FOXP1: variants seen among roughly 807,000 people sequenced by gnomAD.
FOXP1 encodes the protein forkhead box protein P1.
FOXP1 carries 15 observed loss-of-function variants against 98.2 expected under a neutral mutation model. The ratio of observed to expected loss-of-function variants is 0.15; its 90% CI spans 0.10 to 0.24. The LOEUF is 0.24. FOXP1 is among the 10% of genes least tolerant of loss of function. FOXP1 has a pLI of 1.00. For missense variants in FOXP1, 633 were observed against 848.5 expected, an observed-to-expected ratio of 0.75 and a Z score of 3.15; for synonymous variants, 371 against 314.5, an observed-to-expected ratio of 1.18 and a Z score of -1.90.
At chr3:71,542,308 G>C (rs897317476) in intron 2 of FOXP1, among the ~76,000 whole-genome samples, 1 of 151,962 alleles carries the variant, frequency 6.6e-6, no homozygotes, top group Non-Finnish European at 1.5e-5. Flanking sequence ...CATTTTTGTT[G>C]TTGTTTGCAC....
chr3:71,479,050 G>A (rs1008509057), intron 3 of FOXP1, among the ~76,000 whole-genome samples: 14 of 152,180 alleles, frequency 9.2e-5, no homozygotes, highest in Non-Finnish European at 1.9e-4. Flanking sequence ...AGCTTGAATA[G>A]TTTCAATGGA....
chr3:71,512,363 G>A (rs1204255837), intron 2 of FOXP1, among the ~76,000 whole-genome samples: 2 of 152,070 alleles, frequency 1.3e-5, no homozygotes, highest in African/African-American at 2.4e-5. Context: ...CTGTAAGCAA[G>A]GTAAAAAGCC....
rs2061749864 is a variant in FOXP1, at chr3:71,173,387, AC to A, written c.180+24814del. Among the ~76,000 whole-genome samples the A allele has an allele frequency of 2.8e-5, 3 of 106,782 alleles. No homozygotes were observed. The East Asian group carries it at 7.3e-4, about 26-fold the overall frequency. 70.1% of individuals were successfully genotyped at this position (106,782 alleles called of 152,430 possible). A position where few individuals can be genotyped will look rare whatever the true frequency, so the allele number is the denominator to read the frequency against. On this transcript the variant is annotated intron_variant, in intron 6 of 20. Coordinates refer to ENST00000649528, the MANE Select transcript of FOXP1 (RefSeq NM_001349338.3). Reference sequence around the variant, plus strand: ...TTTAGAAAAAAAAGAAAAAATTCACACACACACACACACACACACACACACA... The same window carrying A: ...TTTAGAAAAAAAAGAAAAAATTCACAACACACACACACACACACACACACA...
chr3:71,174,761 G>A (rs1469151340), intron 6 of FOXP1, among the ~76,000 whole-genome samples: 3 of 143,460 alleles, frequency 2.1e-5, no homozygotes, highest in Non-Finnish European at 3.0e-5. Context: ...GGAGCAAAGC[G>A]AATACACAAT....
At chr3:71,320,690 A>G (rs1055778055) in intron 4 of FOXP1, among the ~76,000 whole-genome samples, 1 of 152,230 alleles carries the variant, frequency 6.6e-6, no homozygotes, top group African/African-American at 2.4e-5. Context: ...GGCACTTAAT[A>G]AATCTTGAAT....
Position 71,112,899 on chromosome 3 carries a change from A to G in FOXP1, c.181-262T>C, listed in dbSNP as rs79522164. Among the ~76,000 whole-genome samples, 1,327 of 152,282 alleles carry G rather than the reference A, an allele frequency of 8.7e-3. 17 individuals are homozygous for G. The highest frequency in any genetic ancestry group is 0.03 in the African/African-American group (1,252 of 41,552). Reference sequence around the variant, plus strand: ...ATTTTATTCCTACTAAAGATCTGACATGAAATTTAAGACCATGAGTGATTG... The same window carrying G: ...ATTTTATTCCTACTAAAGATCTGACGTGAAATTTAAGACCATGAGTGATTG... On this transcript the variant is annotated intron_variant, in intron 6 of 20. Transcript: ENST00000649528.
At chr3:71,189,022 G>A (rs2062815023) in intron 6 of FOXP1, among the ~76,000 whole-genome samples, 1 of 152,150 alleles carries the variant, frequency 6.6e-6, no homozygotes, top group East Asian at 1.9e-4. Context: ...GAAAAACAGA[G>A]CTTGCTTCCT....
intron 12 of FOXP1, among the ~76,000 whole-genome samples, chr3:71,009,591 C>G (rs184396886): frequency 6.6e-6 from 1 of 152,096 alleles, no homozygotes; most frequent in Non-Finnish European, 1.5e-5. Context: ...ATAGTCACAA[C>G]TCCTTTTCCT....
chr3:70,986,398 T>C (rs918673813), intron 14 of FOXP1, among the ~76,000 whole-genome samples: 4 of 152,240 alleles, frequency 2.6e-5, no homozygotes, highest in Non-Finnish European at 4.4e-5. Flanking sequence ...ACCATTATCC[T>C]ATCACTGTTT....
In FOXP1 at chr3:71,405,513, C is replaced by A. The variant is rs930104712; in HGVS notation, c.-167-46269G>T. Among the ~76,000 whole-genome samples the A allele has an allele frequency of 5.3e-5, 8 of 152,250 alleles. No individual in the cohort carries two copies. In the East Asian group the frequency reaches 1.4e-3, roughly 26 times the overall value. On this transcript the variant is annotated intron_variant, in intron 3 of 20. Transcript: ENST00000649528. ...GAAAAACTGAAGCTAAGAGAATAAT[C>A]CACCCAGACAGACAGCCAGGAGGAG...
chr3:71,011,836 G>A (rs2043694313), intron 12 of FOXP1, among the ~76,000 whole-genome samples: 1 of 152,126 alleles, frequency 6.6e-6, no homozygotes, highest in African/African-American at 2.4e-5. Flanking sequence ...TCCTATACAA[G>A]TGCCAGACTT....
intron 7 of FOXP1, among the ~76,000 whole-genome samples, chr3:71,095,521 G>T (rs1179531266): frequency 1.3e-5 from 2 of 152,158 alleles, no homozygotes; most frequent in African/African-American, 4.8e-5. Flanking sequence ...GTTCCACACT[G>T]GCAGTTTTTT....
At chr3:71,114,388 G>A (rs2058196870) in intron 6 of FOXP1, among the ~76,000 whole-genome samples, 2 of 152,212 alleles carry the variant, frequency 1.3e-5, no homozygotes, top group South Asian at 4.1e-4. Flanking sequence ...AAAACGTGGA[G>A]TGTGCAAGAG....
intron 11 of FOXP1, among the ~76,000 whole-genome samples, chr3:71,032,227 C>A (rs1167160901): frequency 2.0e-5 from 3 of 152,224 alleles, no homozygotes; most frequent in Non-Finnish European, 4.4e-5. Context: ...GCGACATGTG[C>A]CCGGGGGGAT....
chr3:71,138,129 CT>C (rs2107976464), intron 6 of FOXP1, among the ~76,000 whole-genome samples: 1 of 152,248 alleles, frequency 6.6e-6, no homozygotes, highest in African/African-American at 2.4e-5. Flanking sequence ...AGCTCTAGTC[CT>C]TTTTCTAATT....
chr3:71,257,431 A>T (rs1442408849), intron 5 of FOXP1, among the ~76,000 whole-genome samples: 2 of 152,028 alleles, frequency 1.3e-5, no homozygotes, highest in Non-Finnish European at 2.9e-5. Flanking sequence ...TAAAAAAAAT[A>T]AAAAATAGCC....
At chr3:71,169,309 A>T (rs1490004005) in intron 6 of FOXP1, among the ~76,000 whole-genome samples, 1 of 152,160 alleles carries the variant, frequency 6.6e-6, no homozygotes, top group Non-Finnish European at 1.5e-5. Context: ...TTTGCCCCCG[A>T]GCGTCTCTCT....
intron 14 of FOXP1, among the ~76,000 whole-genome samples, chr3:70,979,800 G>T (rs1049945952): frequency 5.9e-5 from 9 of 151,756 alleles, no homozygotes; most frequent in Non-Finnish European, 1.3e-4. Context: ...AAAAGGGAGG[G>T]GGGCCTGAGA....
At position 70,958,357 on chromosome 3, in the gene FOXP1, C is replaced by G. The variant is rs1332177615; in HGVS notation, c.*890G>C. On this transcript the variant is annotated 3_prime_UTR_variant, in exon 21 of 21. Transcript: ENST00000649528. ...TTCTCTTTCTGGCAGGACGTCACGTCTGTGTGAGAGGGCCTTCATGTGTAG... is the reference window on the plus strand; with the variant it reads ...TTCTCTTTCTGGCAGGACGTCACGTGTGTGTGAGAGGGCCTTCATGTGTAG... The G allele has an allele frequency of 1.9e-6, 1 of 532,754 alleles. No individual in the cohort carries two copies. Among genetic ancestry groups the G allele is most frequent in the Non-Finnish European group, 3.6e-6 (1 of 275,238 alleles). The allele number at this position is 532,754 out of a possible 1,614,324, so 33.0% of individuals were successfully genotyped here.
Sources: gnomAD v4.1 joint callset for allele counts (sites outside exome capture counted in the v4.1 genomes callset) on GRCh38, gnomAD v4.1.1 for gene constraint, MANE v1.5 for transcripts, NCBI Gene and HGNC (gene_info 2026-07-23, HGNC 2026-07-21) for gene names.